FAT2: variants seen among roughly 807,000 people sequenced by gnomAD.
The protein encoded by FAT2 is FAT atypical cadherin 2.
In FAT2, 150 loss-of-function variants were observed where a neutral mutation model predicts 295.3. That is an observed-to-expected ratio of 0.51 (90% CI 0.44 to 0.58). FAT2 has a LOEUF of 0.58. Among genes scored for constraint, FAT2 ranks in the 20% least tolerant of loss-of-function variants. The pLI, the probability that FAT2 is intolerant of heterozygous loss-of-function variation, is 0.00. For synonymous variants in FAT2, 2,026 were observed against 2,150.3 expected, an observed-to-expected ratio of 0.94 and a Z score of 1.60; for missense variants, 4,868 against 5,442.7, an observed-to-expected ratio of 0.89 and a Z score of 3.32.
intron 12 of FAT2, among the ~76,000 whole-genome samples, chr5:151,535,872 C>T (rs981804089): frequency 2.0e-5 from 3 of 152,180 alleles, no homozygotes; most frequent in Non-Finnish European, 4.4e-5. Context: ...AACCCACACA[C>T]ATTTGGTCAC....
chr5:151,576,318 C>A (rs1393993478), intron 1 of FAT2, among the ~76,000 whole-genome samples: 1 of 152,152 alleles, frequency 6.6e-6, no homozygotes, highest in Non-Finnish European at 1.5e-5. Context: ...TCTGAGGGAG[C>A]AAACTGGGAT....
intron 22 of FAT2, among the ~76,000 whole-genome samples, 177 bp from the exon 23 acceptor site, chr5:151,507,788 G>A (rs1295758576): frequency 2.0e-5 from 3 of 151,986 alleles, no homozygotes; most frequent in Admixed American, 6.6e-5. Context: ...CCTTCCACCA[G>A]TAAAGTATGG....
chr5:151,553,098 G>A, intron 6 of FAT2, 79 bp downstream of exon 6: 1 of 1,426,550 alleles, frequency 7.0e-7, no homozygotes, highest in South Asian at 1.2e-5. Flanking sequence ...AGAGTCAGAA[G>A]GACTGTAGCA....
intron 12 of FAT2, among the ~76,000 whole-genome samples, chr5:151,537,354 A>G (rs368806946): frequency 5.6e-5 from 8 of 143,882 alleles, no homozygotes; most frequent in African/African-American, 1.8e-4. Context: ...AAAAGAAAAA[A>G]GAAGGAAGGA....
chr5:151,527,080 A>G (rs1158371972), intron 17 of FAT2, among the ~76,000 whole-genome samples, 154 bp downstream of exon 17: 2 of 152,196 alleles, frequency 1.3e-5, no homozygotes, highest in Non-Finnish European at 2.9e-5. Context: ...CTTCAATTCT[A>G]TAATGCCCTC....
chr5:151,556,518 G>T, intron 3 of FAT2, 116 bp from the exon 4 acceptor site: 1 of 710,824 alleles, frequency 1.4e-6, no homozygotes, highest in Non-Finnish European at 2.4e-6. Flanking sequence ...GATCTTTGAA[G>T]AACATGTAAA....
At chr5:151,589,341 G>T (rs1310107854) in intron 1 of FAT2, among the ~76,000 whole-genome samples, 1 of 152,122 alleles carries the variant, frequency 6.6e-6, no homozygotes, top group Admixed American at 6.5e-5. Flanking sequence ...CTGTCATAAA[G>T]CATCTGGAAG....
chr5:151,517,022 C>T (rs1273952194), intron 20 of FAT2, among the ~76,000 whole-genome samples: 4 of 151,744 alleles, frequency 2.6e-5, no homozygotes, highest in Non-Finnish European at 5.9e-5. Context: ...GCAGGAGAAT[C>T]GCTTGAACCT....
intron 1 of FAT2, among the ~76,000 whole-genome samples, chr5:151,584,877 T>C (rs1204339820): frequency 6.6e-6 from 1 of 152,110 alleles, no homozygotes. Context: ...TTGAGCCCCC[T>C]TGGAGCTTAA....
At chr5:151,536,130 G>A (rs1755250435) in intron 12 of FAT2, among the ~76,000 whole-genome samples, 2 of 152,128 alleles carry the variant, frequency 1.3e-5, no homozygotes, top group Admixed American at 1.3e-4. Flanking sequence ...TGTGGAGGAA[G>A]GGGTTATCAT....
At chr5:151,517,530 A>C (rs1028704766) in intron 20 of FAT2, 90 bp downstream of exon 20, 65 of 1,498,018 alleles carry the variant, frequency 4.3e-5, no homozygotes, top group Non-Finnish European at 5.6e-5. Context: ...CTTTGGCAGA[A>C]ATGGGCTTCC....
intron 3 of FAT2, among the ~76,000 whole-genome samples, chr5:151,562,317 G>T (rs1041037181): frequency 2.0e-5 from 3 of 152,160 alleles, no homozygotes; most frequent in Admixed American, 2.0e-4. Context: ...GTTGGAGACG[G>T]AAAACAGGAT....
Position 151,525,750 on chromosome 5 carries a change from GC to G in FAT2, c.10506+17del, listed in dbSNP as rs1245121692. On this transcript the variant is annotated intron_variant, in intron 18 of 23. Coordinates refer to ENST00000261800, the MANE Select transcript of FAT2 (RefSeq NM_001447.3). Reference sequence around the variant, plus strand: ...ACTGTCCCCATGGTCACCACCAGAAGCCTAGCACAGCTCTCACCTGGATCTG... The same window carrying G: ...ACTGTCCCCATGGTCACCACCAGAAGCTAGCACAGCTCTCACCTGGATCTG... 6.2e-7 allele frequency: 1 copy of G among 1,613,894 alleles called. No individual in the cohort carries two copies. The highest frequency in any genetic ancestry group is 8.5e-7 in the Non-Finnish European group (1 of 1,179,840).
In FAT2 at chr5:151,521,473, G is replaced by C. The variant is rs770936706; in HGVS notation, c.11120C>G (p.Ala3707Gly). Reference protein sequence around the residue: ...QELASIITHSAKEMEHSVGVQ... With the variant: ...QELASIITHSGKEMEHSVGVQ... ...CCCCACTGAATGCTCCATCTCCTTGGCTGAGTGAGTGATGATGGATGCTAG... is the reference window on the plus strand; with the variant it reads ...CCCCACTGAATGCTCCATCTCCTTGCCTGAGTGAGTGATGATGGATGCTAG... The change falls in exon 19 of 24, where the codon GCC becomes GGC. Residue 3707 changes from alanine to glycine, a missense_variant. Ala to Gly is a moderately conservative substitution (Grantham distance 60, BLOSUM62 0). Around this residue, in one of 5 missense-constraint regions of FAT2, gnomAD observed 1,046 missense variants for 1,210.1 expected, o/e 0.86. Coordinates refer to ENST00000261800, the MANE Select transcript of FAT2 (RefSeq NM_001447.3). 11 of 1,614,108 alleles carry C rather than the reference G, an allele frequency of 6.8e-6. No individual in the cohort carries two copies. The East Asian group carries it at 1.8e-4, about 26-fold the overall frequency.
intron 6 of FAT2, 32 bp from the exon 7 acceptor site, chr5:151,551,638 A>T (rs1263641679): frequency 6.2e-7 from 1 of 1,612,498 alleles, no homozygotes; most frequent in African/African-American, 1.3e-5. Context: ...AGCACACACA[A>T]CCTCAGTGAT....
chr5:151,542,156 G>C, intron 10 of FAT2, 129 bp downstream of exon 10: 1 of 794,158 alleles, frequency 1.3e-6, no homozygotes, highest in Non-Finnish European at 2.0e-6. Context: ...GGTCCTAGGG[G>C]GTTAAGTGTG....
chr5:151,571,746 TGTACTACCTTCCTA>T (rs1471841263), intron 1 of FAT2, among the ~76,000 whole-genome samples: 2 of 152,238 alleles, frequency 1.3e-5, no homozygotes, highest in Non-Finnish European at 2.9e-5. Context: ...TTAGGCTCCT[TGTACTACCTTCCTA>T]GTTCACAACA....
intron 1 of FAT2, among the ~76,000 whole-genome samples, 56 bp downstream of exon 1, chr5:151,591,109 A>G (rs1187181425): frequency 1.3e-5 from 2 of 152,176 alleles, no homozygotes; most frequent in South Asian, 4.1e-4. Flanking sequence ...AGACTCAAGA[A>G]TGGATTAACT....
chr5:151,527,434 C>A (rs558083829), intron 16 of FAT2, 57 bp from the exon 17 acceptor site: 3 of 1,475,230 alleles, frequency 2.0e-6, no homozygotes, highest in African/African-American at 2.8e-5. Flanking sequence ...TCACTTCTGC[C>A]CCCTGAGTCA....
Sources: allele counts gnomAD v4.1 joint callset (sites outside exome capture counted in the v4.1 genomes callset), GRCh38; gene constraint gnomAD v4.1.1; regional missense constraint gnomAD v4.1.1; transcripts MANE v1.5; gene names NCBI Gene and HGNC (gene_info 2026-07-23, HGNC 2026-07-21).